The following DACH1 variants were observed in gnomAD, a reference collection of about 807,000 sequenced individuals.
DACH1 encodes dachshund family transcription factor 1, also known as dachshund homolog 1.
In DACH1, 12 loss-of-function variants were observed where a neutral mutation model predicts 54.2. The observed-to-expected ratio is 0.22, with a 90% CI of 0.14 to 0.36. The LOEUF (loss-of-function observed/expected upper bound fraction) is 0.36. DACH1 is among the 10% of genes least tolerant of loss of function. DACH1 has a pLI of 1.00. For missense variants in DACH1, 805 were observed against 929.8 expected (o/e 0.87, Z 1.75); for synonymous variants, 386 against 366.2 (o/e 1.05, Z -0.62).
chr13:71,557,167 G>A lies in DACH1; in HGVS notation c.1436-9C>T. 1 of 1,588,842 alleles carries A rather than the reference G, an allele frequency of 6.3e-7. No individual in the cohort carries two copies. Among genetic ancestry groups the A allele is most frequent in the African/African-American group, 1.4e-5 (1 of 73,142 alleles). ...CCCATTCTGATGGACCGCTATTATG[G>A]CCCAAAAGAAAACAAACAAAACAAA... On this transcript the variant is annotated splice_polypyrimidine_tract_variant and intron_variant, in intron 5 of 10. Coordinates refer to ENST00000613252, the MANE Select transcript of DACH1 (RefSeq NM_080759.6).
chr13:71,636,065 T>C (rs1877468883), intron 2 of DACH1, among the ~76,000 whole-genome samples: 1 of 152,152 alleles, frequency 6.6e-6, no homozygotes, highest in Non-Finnish European at 1.5e-5. Flanking sequence ...ATTACAGGCA[T>C]GAGCCACTGC....
chr13:71,767,450 T>C (rs982017935), intron 1 of DACH1, among the ~76,000 whole-genome samples: 1 of 152,094 alleles, frequency 6.6e-6, no homozygotes, highest in Non-Finnish European at 1.5e-5. Flanking sequence ...GGGAGAATCA[T>C]ACACTTGACC....
At position 71,601,023 on chromosome 13, in the gene DACH1, GA is replaced by G. The variant is rs963947256; in HGVS notation, c.1127-28012del. On this transcript the variant is annotated intron_variant, in intron 3 of 10. Coordinates refer to ENST00000613252, the MANE Select transcript of DACH1 (RefSeq NM_080759.6). ...TTTCAATTCAGGTTCCATAATTCCGGAAAAAAAAATGCCACTTAAATATTCA... is the reference window on the plus strand; with the variant it reads ...TTTCAATTCAGGTTCCATAATTCCGGAAAAAAAATGCCACTTAAATATTCA... Among the ~76,000 whole-genome samples the G allele has an allele frequency of 1.3e-3, 186 of 147,268 alleles. 2 individuals are homozygous for G. In the East Asian group the frequency reaches 0.028, roughly 22 times the overall value.
chr13:71,584,473 T>C (rs1873082576), intron 3 of DACH1, among the ~76,000 whole-genome samples: 1 of 152,144 alleles, frequency 6.6e-6, no homozygotes, highest in African/African-American at 2.4e-5. Context: ...ACGACTTGTC[T>C]TTTAATACTT....
At chr13:71,721,279 G>A (rs1883218035) in intron 1 of DACH1, among the ~76,000 whole-genome samples, 1 of 152,050 alleles carries the variant, frequency 6.6e-6, no homozygotes, top group African/African-American at 2.4e-5. Context: ...CAGACATTTA[G>A]TTCCACTGAT....
intron 2 of DACH1, among the ~76,000 whole-genome samples, chr13:71,649,429 T>G (rs981753200): frequency 6.6e-6 from 1 of 152,118 alleles, no homozygotes; most frequent in African/African-American, 2.4e-5. Context: ...CTTAGAAAAG[T>G]CACTTAACTG....
In DACH1 at chr13:71,866,856, G is replaced by T. The variant is rs1318277008; in HGVS notation, c.-87C>A. 2 of 946,848 alleles carry T rather than the reference G, an allele frequency of 2.1e-6. No individual in the cohort carries two copies. The highest frequency in any genetic ancestry group is 2.6e-6 in the Non-Finnish European group (2 of 757,084). 58.7% of individuals were successfully genotyped at this position (946,848 alleles called of 1,614,324 possible). A position where few individuals can be genotyped will look rare whatever the true frequency, so the allele number is the denominator to read the frequency against. On this transcript the variant is annotated 5_prime_UTR_variant, in exon 1 of 11. Transcript: ENST00000613252. ...GGGAGGGGAAGGGGAAAAAAGGGGG[G>T]AGAAGGAGCGAGGGGGGCAACAACA...
chr13:71,746,639 A>T (rs1213192796), intron 1 of DACH1, among the ~76,000 whole-genome samples: 2 of 151,886 alleles, frequency 1.3e-5, no homozygotes, highest in Non-Finnish European at 2.9e-5. Context: ...AATGGTATAA[A>T]CAAACAAACA....
intron 10 of DACH1, among the ~76,000 whole-genome samples, chr13:71,469,723 T>C (rs142025104): frequency 1.2e-3 from 183 of 152,304 alleles, no homozygotes; most frequent in African/African-American, 4.1e-3. Context: ...GAATAAATAT[T>C]TGTTGAAAAA....
Position 71,475,912 on chromosome 13 carries a change from C to T in DACH1, c.1871-63G>A, listed in dbSNP as rs997471340. ...TAAATTTTCATAATGCTGCTAATTT[C>T]CAAATGGTCTATATTTTTTATATTA... is the stretch of plus-strand genomic sequence containing the variant. On this transcript the variant is annotated intron_variant, in intron 8 of 10. Transcript: ENST00000613252. The T allele has an allele frequency of 7.5e-6, 9 of 1,201,608 alleles. No individual in the cohort carries two copies. In the African/African-American group the frequency reaches 1.4e-4, roughly 19 times the overall value. The allele number at this position is 1,201,608 out of a possible 1,614,324, so 74.4% of individuals were successfully genotyped here.
At chr13:71,612,064 G>C (rs1875372524) in intron 3 of DACH1, among the ~76,000 whole-genome samples, 1 of 152,048 alleles carries the variant, frequency 6.6e-6, no homozygotes, top group Non-Finnish European at 1.5e-5. Flanking sequence ...TAAGTTTAGG[G>C]GAATTTGTTG....
intron 1 of DACH1, among the ~76,000 whole-genome samples, chr13:71,690,349 A>G (rs1346945893): frequency 6.6e-6 from 1 of 152,182 alleles, no homozygotes; most frequent in East Asian, 1.9e-4. Flanking sequence ...ATTTAGTGGC[A>G]TGTTTGTCTA....
rs1884039529 is a variant in DACH1 at position 71,735,481 on chromosome 13, GTATATGGGA to G, written c.849-53580_849-53572del. 5.5e-5 allele frequency among the ~76,000 whole-genome samples: 2 copies of G among 36,094 alleles called. 1 individual carries two copies. Among genetic ancestry groups the G allele is most frequent in the African/African-American group, 8.1e-5 (2 of 24,556 alleles). The allele number at this position is 36,094 out of a possible 152,430, so 23.7% of individuals were successfully genotyped here. On this transcript the variant is annotated intron_variant, in intron 1 of 10. Coordinates refer to ENST00000613252, the MANE Select transcript of DACH1 (RefSeq NM_080759.6). The stretch of plus-strand genomic sequence containing the variant: ...ATATACACGTATACGGGATATACGT[GTATATGGGA>G]TATACACGTATACGGGATATACGTG...
chr13:71,594,921 C>A (rs1873986475), intron 3 of DACH1, among the ~76,000 whole-genome samples: 1 of 152,064 alleles, frequency 6.6e-6, no homozygotes, highest in Non-Finnish European at 1.5e-5. Context: ...GGCTGACATT[C>A]TAGTAATTAT....
chr13:71,486,857 T>C (rs1878572755), intron 7 of DACH1, among the ~76,000 whole-genome samples: 1 of 145,644 alleles, frequency 6.9e-6, no homozygotes, highest in South Asian at 2.2e-4. Flanking sequence ...TCTATCTATC[T>C]ATCTGAGATG....
At chr13:71,765,154 T>C (rs955058398) in intron 1 of DACH1, among the ~76,000 whole-genome samples, 5 of 152,160 alleles carry the variant, frequency 3.3e-5, no homozygotes, top group African/African-American at 4.8e-5. Context: ...AACATTTCCA[T>C]GAATTTGTTA....
At position 71,866,265 on chromosome 13, in the gene DACH1, C is replaced by T. The variant is rs370635646; in HGVS notation, c.505G>A (p.Gly169Arg). 2 of 1,598,894 alleles carry T rather than the reference C, an allele frequency of 1.3e-6. No individual in the cohort carries two copies. Among genetic ancestry groups the T allele is most frequent in the South Asian group, 1.1e-5 (1 of 89,490 alleles). ...GACGGGGTTGAGTACACGGGTTTCC[C>T]GGGGAGGGGGCCGCAGCTGCTGCTG... ...SSSSSCGPLP[G>R]KPVYSTPSPV... Residue 169 changes from glycine to arginine, a missense_variant, in exon 1 of 11, where the codon GGG becomes AGG. Coordinates refer to ENST00000613252, the MANE Select transcript of DACH1 (RefSeq NM_080759.6).
chr13:71,466,845 CAAAAA>C (rs55861394), intron 10 of DACH1, among the ~76,000 whole-genome samples: 2 of 99,452 alleles, frequency 2.0e-5, no homozygotes, highest in African/African-American at 7.8e-5. Context: ...CACCCTGTCT[CAAAAA>C]AAAAAAAAAA....
intron 1 of DACH1, among the ~76,000 whole-genome samples, chr13:71,723,303 A>C (rs1181063736): frequency 2.0e-5 from 3 of 151,856 alleles, no homozygotes; most frequent in Admixed American, 2.0e-4. Context: ...AGCCCCAGCT[A>C]CTCAGGAGCC....
Sources: gnomAD v4.1 joint callset for allele counts (sites outside exome capture counted in the v4.1 genomes callset) on GRCh38, gnomAD v4.1.1 for gene constraint, MANE v1.5 for transcripts, NCBI Gene and HGNC (gene_info 2026-07-23, HGNC 2026-07-21) for gene names.